The following OTOG variants were observed in gnomAD, a reference collection of about 807,000 sequenced individuals.
The protein encoded by OTOG is otogelin.
A neutral mutation model predicts 313.8 loss-of-function variants in OTOG; 296 were observed. That is an observed-to-expected ratio of 0.94 (90% confidence interval 0.86 to 1.04). OTOG has a LOEUF of 1.04. OTOG is among the 50% of genes least tolerant of loss of function. The probability of loss-of-function intolerance (pLI) is 0.00; values close to 1 mark genes in which losing one functional copy is unlikely to be tolerated. For synonymous variants in OTOG, 1,533 were observed against 1,554.9 expected, an observed-to-expected ratio of 0.99 and a Z score of 0.33; for missense variants, 3,948 against 3,840.1, an observed-to-expected ratio of 1.03 and a Z score of -0.74.
chr11:17,602,321 C>A lies in OTOG; in HGVS notation c.3821C>A (p.Pro1274Gln). The A allele has an allele frequency of 6.4e-7, 1 of 1,550,560 alleles. No homozygotes were observed. The highest frequency in any genetic ancestry group is 8.7e-7 in the Non-Finnish European group (1 of 1,146,952). ...IVLVRTEDVA[P>Q]ADIVSFLLTA... ...CTAGTGAGGACAGAGGATGTGGCGC[C>A]AGCAGACATTGTGAGCTTCCTGCTG... Residue 1274 changes from proline to glutamine, a missense_variant, in exon 32 of 56, where the codon CCA (proline) becomes CAA (glutamine). Transcript: ENST00000399397.
chr11:17,561,064 C>A (rs1258812981), intron 13 of OTOG, 27 bp from the exon 14 acceptor site: 1 of 1,550,406 alleles, frequency 6.4e-7, no homozygotes, highest in Non-Finnish European at 8.7e-7. Flanking sequence ...GGGGTGACCT[C>A]TTGCCTCCTT....
rs975194086 is a variant in OTOG at position 17,611,924 on chromosome 11, G to A, written c.6124-238G>A. On this transcript the variant is annotated intron_variant, in intron 36 of 55. Coordinates refer to ENST00000399397, the MANE Select transcript of OTOG (RefSeq NM_001292063.2). ...TGCCTGTGTACCCAGACCTCTCAGC[G>A]CAGGCCAGGCAGATCTGCAGAGGTC... 3.9e-5 allele frequency among the ~76,000 whole-genome samples: 6 copies of A among 152,110 alleles called. No homozygotes were observed. In the South Asian group the frequency reaches 1.0e-3, roughly 26 times the overall value.
chr11:17,603,141 C>T (rs74752657), intron 32 of OTOG, among the ~76,000 whole-genome samples: 4,372 of 152,220 alleles, frequency 0.029, 217 homozygotes, highest in African/African-American at 0.1. Context: ...ACATCCCTAG[C>T]TATAGGTGAT....
intron 7 of OTOG, among the ~76,000 whole-genome samples, chr11:17,556,401 A>G (rs1007865466): frequency 6.6e-6 from 1 of 152,132 alleles, no homozygotes; most frequent in African/African-American, 2.4e-5. Context: ...CCTTTGTGAA[A>G]TCTTTCCTGC....
At position 17,578,495 on chromosome 11, in the gene OTOG, C is replaced by T. The variant is rs1322366586; in HGVS notation, c.2728C>T (p.Pro910Ser). 3 of 1,538,964 alleles carry T rather than the reference C, an allele frequency of 1.9e-6. No individual in the cohort carries two copies. The highest frequency in any genetic ancestry group is 2.6e-6 in the Non-Finnish European group (3 of 1,146,698). Residue 910 changes from proline (P) to serine (S), a missense_variant, in exon 23 of 56, where the codon CCC becomes TCC. Pro to Ser is a moderately conservative substitution (Grantham distance 74). Transcript: ENST00000399397. Reference protein sequence around the residue: ...LLNLSVSARGPCLSGCACPQG... With the variant: ...LLNLSVSARGSCLSGCACPQG... ...GAACCTGAGCGTGTCAGCCCGTGGC[C>T]CCTGCCTCTCGGGCTGCGCCTGTCC...
At chr11:17,573,830 C>T (rs930717123) in intron 19 of OTOG, among the ~76,000 whole-genome samples, 2 of 152,204 alleles carry the variant, frequency 1.3e-5, no homozygotes, top group Non-Finnish European at 2.9e-5. Context: ...AGGCACTGTA[C>T]TGGGAGTCAG....
intron 4 of OTOG, 73 bp downstream of exon 4, chr11:17,552,148 G>C (rs1851950790): frequency 7.0e-7 from 1 of 1,423,000 alleles, no homozygotes; most frequent in South Asian, 1.2e-5. Flanking sequence ...AAGGGCAGAG[G>C]GCAGGTGGGG....
chr11:17,561,951 C>T, intron 15 of OTOG, 144 bp downstream of exon 15: 2 of 1,025,332 alleles, frequency 2.0e-6, no homozygotes, highest in East Asian at 2.6e-5. Flanking sequence ...GACTGGACTC[C>T]AGCCCAAGCA....
intron 7 of OTOG, 86 bp from the exon 8 acceptor site, chr11:17,557,032 G>T: frequency 7.6e-7 from 1 of 1,313,430 alleles, no homozygotes. Flanking sequence ...TGGATCATGG[G>T]GTAGGGACTG....
At chr11:17,635,738 G>A (rs1467592089) in intron 47 of OTOG, 27 bp downstream of exon 47, 2 of 1,532,618 alleles carry the variant, frequency 1.3e-6, no homozygotes, top group East Asian at 2.4e-5. Context: ...CACATGGCGG[G>A]CTGCGGCAGG....
chr11:17,584,677 C>T (rs2134046670), intron 23 of OTOG, among the ~76,000 whole-genome samples: 1 of 152,228 alleles, frequency 6.6e-6, no homozygotes, highest in Admixed American at 6.5e-5. Flanking sequence ...AGGCATGGGC[C>T]ATCACGTCTG....
intron 27 of OTOG, 77 bp downstream of exon 27, chr11:17,593,833 C>T (rs888487399): frequency 4.6e-6 from 7 of 1,508,622 alleles, no homozygotes; most frequent in Admixed American, 2.0e-5. Context: ...TGAGCTGTAC[C>T]CTCCCTGAGG....
In OTOG at chr11:17,611,220, G is replaced by GC. The variant is rs34547529; in HGVS notation, c.5926dup (p.Gln1976ProfsTer13). The GC allele has an allele frequency of 3.2e-6, 5 of 1,550,390 alleles. No individual in the cohort carries two copies. Among genetic ancestry groups the GC allele is most frequent in the Non-Finnish European group, 4.4e-6 (5 of 1,146,996 alleles). On this transcript the variant is annotated frameshift_variant, in exon 36 of 56. Coordinates refer to ENST00000399397, the MANE Select transcript of OTOG (RefSeq NM_001292063.2). LOFTEE classifies it high-confidence loss of function. The stretch of plus-strand genomic sequence containing the variant: ...CCTGAGCCGTGTCTCAGCCAGGACG[G>GC]CCCCCCAAGACAGCATGCTGGTTCT...
chr11:17,557,222 C>T lies in OTOG; in HGVS notation c.764C>T (p.Ser255Leu), dbSNP rs939158613. Residue 255 changes from serine to leucine, a missense_variant, in exon 8 of 56, where the codon TCG becomes TTG. Coordinates refer to ENST00000399397, the MANE Select transcript of OTOG (RefSeq NM_001292063.2). ...TTCACACTGGCCTGGGATGGTGCCT[C>T]GGCTGTCTACATCAAGATGAGTCCA... is the stretch of plus-strand genomic sequence containing the variant. Reference protein sequence around the residue: ...SAFTLAWDGASAVYIKMSPEL... With the variant: ...SAFTLAWDGALAVYIKMSPEL... The T allele has an allele frequency of 7.1e-6, 11 of 1,550,470 alleles. No homozygotes were observed. Among genetic ancestry groups the T allele is most frequent in the African/African-American group, 2.7e-5 (2 of 73,010 alleles).
intron 40 of OTOG, among the ~76,000 whole-genome samples, chr11:17,630,826 T>C (rs765780260): frequency 6.6e-6 from 1 of 152,166 alleles, no homozygotes; most frequent in Non-Finnish European, 1.5e-5. Flanking sequence ...CTGGAGCATA[T>C]AGATGGTATG....
chr11:17,607,542 C>T (rs1853419120), intron 33 of OTOG, among the ~76,000 whole-genome samples: 1 of 152,238 alleles, frequency 6.6e-6, no homozygotes, highest in Non-Finnish European at 1.5e-5. Flanking sequence ...ATAATAGCGC[C>T]TACTTCCTAG....
intron 35 of OTOG, 134 bp from the exon 36 acceptor site, chr11:17,609,521 C>T: frequency 7.1e-6 from 6 of 845,008 alleles, no homozygotes; most frequent in Non-Finnish European, 1.1e-5. Flanking sequence ...CTGCTGACAT[C>T]TGGCCGTTAG....
At position 17,548,179 on chromosome 11, in the gene OTOG, C is replaced by T. The variant is rs1851851031; in HGVS notation, c.183C>T (p.Ala61=). 6.5e-7 allele frequency: 1 copy of T among 1,547,900 alleles called. No homozygotes were observed. The highest frequency in any genetic ancestry group is 2.0e-5 in the Admixed American group (1 of 50,858). The part of the protein sequence containing the change: ...PSSSHQEATL[A]MGDKATVVGG... ...GCAGCCACCAGGAGGCGACCCTTGC[C>T]ATGGGGGACAAGGCTACAGTCGTGG... The change falls in exon 3 of 56, where the codon GCC becomes GCT. Residue 61 remains alanine (A), a synonymous_variant. Transcript: ENST00000399397.
chr11:17,592,135 A>G (rs921921923), intron 25 of OTOG, among the ~76,000 whole-genome samples: 15 of 152,074 alleles, frequency 9.9e-5, no homozygotes, highest in African/African-American at 3.4e-4. Flanking sequence ...GGAGGAAGAA[A>G]ACTGGTGATG....
Sources: gnomAD v4.1 joint callset for allele counts (sites outside exome capture counted in the v4.1 genomes callset) on GRCh38, gnomAD v4.1.1 for gene constraint, MANE v1.5 for transcripts, NCBI Gene and HGNC (gene_info 2026-07-23, HGNC 2026-07-21) for gene names.